PIK3C3: variants seen among roughly 807,000 people sequenced by gnomAD.
The protein encoded by PIK3C3 is PI3-kinase type 3.
A neutral mutation model predicts 126.1 loss-of-function variants in PIK3C3; 95 were observed. The observed-to-expected ratio is 0.75, with a 90% confidence interval of 0.64 to 0.89. The LOEUF (loss-of-function observed/expected upper bound fraction) is 0.89, where lower values mean the gene tolerates loss of function less well. Ranked by LOEUF, PIK3C3 falls within the 40% of genes least tolerant of loss-of-function variation. The pLI is 0.00. For missense variants in PIK3C3, 829 were observed against 1,063.2 expected, an observed-to-expected ratio of 0.78 and a Z score of 3.06; for synonymous variants, 374 against 360.0, an observed-to-expected ratio of 1.04 and a Z score of -0.44.
chr18:42,036,671 A>G (rs1252268556), intron 16 of PIK3C3, among the ~76,000 whole-genome samples: 1 of 151,922 alleles, frequency 6.6e-6, no homozygotes, highest in Non-Finnish European at 1.5e-5. Flanking sequence ...TACCTAAACT[A>G]ATTTAGACCT....
chr18:42,066,454 GT>G lies in PIK3C3; in HGVS notation c.2524-932del, dbSNP rs200329153. Among the ~76,000 whole-genome samples, 1,456 of 152,208 alleles carry G rather than the reference GT, an allele frequency of 9.6e-3. 16 individuals carry two copies. Among genetic ancestry groups the G allele is most frequent in the African/African-American group, 0.033 (1,385 of 41,520 alleles). On this transcript the variant is annotated intron_variant, in intron 23 of 24. Coordinates refer to ENST00000262039, the MANE Select transcript of PIK3C3 (RefSeq NM_002647.4). The stretch of plus-strand genomic sequence containing the variant: ...GCCTGTCTTTGAGAAGTATATGTGG[GT>G]TATTTACAAGAGAAAGGAGTAGTCT...
chr18:42,052,689 CAT>C (rs1294618676), intron 21 of PIK3C3: 1 of 152,048 alleles, frequency 6.6e-6, no homozygotes, highest in African/African-American at 2.4e-5. Context: ...AGTTACATTT[CAT>C]ATATGTTATA....
At chr18:42,017,985 TTATA>T (rs5824389) in intron 12 of PIK3C3, among the ~76,000 whole-genome samples, 1 of 151,068 alleles carries the variant, frequency 6.6e-6, no homozygotes, top group Non-Finnish European at 1.5e-5. Flanking sequence ...CTATACTTTC[TTATA>T]TATATATAAA....
At chr18:41,964,675 G>T (rs1040220776) in intron 3 of PIK3C3, among the ~76,000 whole-genome samples, 3 of 151,850 alleles carry the variant, frequency 2.0e-5, no homozygotes, top group Admixed American at 1.3e-4. Flanking sequence ...ATATTTCCAG[G>T]TTTGTTTTGG....
Position 42,086,887 on chromosome 18 carries a change from C to T in PIK3C3, c.*5750C>T, listed in dbSNP as rs1385427206. On this transcript the variant is annotated 3_prime_UTR_variant, in exon 25 of 25. Coordinates refer to ENST00000262039, the MANE Select transcript of PIK3C3 (RefSeq NM_002647.4). ...TCCTTTCTTTATTAACCTGCTTTCA[C>T]TTTATGGACTCCCCTGAATTCTTCT... is the stretch of plus-strand genomic sequence containing the variant. 1 of 152,188 alleles carries T rather than the reference C, an allele frequency of 6.6e-6. No homozygotes were observed. Among genetic ancestry groups the T allele is most frequent in the East Asian group, 1.9e-4 (1 of 5,176 alleles). The allele number at this position is 152,188 out of a possible 1,614,324, so 9.4% of individuals were successfully genotyped here.
At chr18:42,038,526 T>C (rs929048674) in intron 17 of PIK3C3, among the ~76,000 whole-genome samples, 5 of 152,026 alleles carry the variant, frequency 3.3e-5, no homozygotes, top group Non-Finnish European at 7.4e-5. Flanking sequence ...TATTTTTTAG[T>C]AGAGACAGGG....
intron 20 of PIK3C3, among the ~76,000 whole-genome samples, chr18:42,046,113 C>T (rs554163816): frequency 9.2e-5 from 14 of 152,126 alleles, no homozygotes; most frequent in African/African-American, 3.4e-4. Flanking sequence ...AATTATCTTA[C>T]CTATTGGACA....
chr18:42,044,300 A>G (rs1040560285), intron 20 of PIK3C3, among the ~76,000 whole-genome samples: 2 of 152,220 alleles, frequency 1.3e-5, no homozygotes, highest in African/African-American at 4.8e-5. Context: ...AATAAATAGT[A>G]AGTGACATAG....
chr18:41,995,465 C>T (rs1981981466), intron 7 of PIK3C3, among the ~76,000 whole-genome samples: 1 of 152,100 alleles, frequency 6.6e-6, no homozygotes, highest in Non-Finnish European at 1.5e-5. Context: ...TTGTCCTTGC[C>T]CTCAGTAACT....
chr18:42,065,612 A>G (rs1297101971), intron 23 of PIK3C3, among the ~76,000 whole-genome samples: 1 of 152,230 alleles, frequency 6.6e-6, no homozygotes, highest in Non-Finnish European at 1.5e-5. Flanking sequence ...TGGCAAAATA[A>G]ACTAAACTAG....
At chr18:42,025,065 G>T (rs1018859024) in intron 13 of PIK3C3, among the ~76,000 whole-genome samples, 3 of 151,928 alleles carry the variant, frequency 2.0e-5, no homozygotes, top group Admixed American at 6.5e-5. Flanking sequence ...GCCCACCTTG[G>T]CCTCCCAAAG....
At chr18:41,996,887 A>G (rs996622507) in intron 9 of PIK3C3, among the ~76,000 whole-genome samples, 157 bp downstream of exon 9, 2 of 152,134 alleles carry the variant, frequency 1.3e-5, no homozygotes, top group East Asian at 3.8e-4. Flanking sequence ...AAATTATGAA[A>G]TTCTGCATAC....
At chr18:41,989,914 A>C (rs558050193) in intron 5 of PIK3C3, among the ~76,000 whole-genome samples, 3 of 152,188 alleles carry the variant, frequency 2.0e-5, no homozygotes, top group African/African-American at 4.8e-5. Context: ...AGTGTGGATA[A>C]AAATTTACAA....
chr18:42,043,668 G>A (rs1034185044), intron 19 of PIK3C3, 65 bp from the exon 20 acceptor site: 1 of 1,056,196 alleles, frequency 9.5e-7, no homozygotes, highest in Non-Finnish European at 1.5e-6. Context: ...ACTATTTATA[G>A]TTTCAAAACA....
chr18:42,009,637 A>T (rs563142426), intron 10 of PIK3C3, among the ~76,000 whole-genome samples: 14 of 148,370 alleles, frequency 9.4e-5, no homozygotes, highest in Non-Finnish European at 1.5e-4. Context: ...AATGTACATT[A>T]TGTAATGCTT....
chr18:42,071,384 G>A (rs891521756), intron 24 of PIK3C3, among the ~76,000 whole-genome samples: 3 of 152,148 alleles, frequency 2.0e-5, no homozygotes, highest in Non-Finnish European at 2.9e-5. Context: ...GTATGTTTTA[G>A]TGTTATCCCT....
Position 42,058,325 on chromosome 18 carries a change from G to A in PIK3C3, c.2432+274G>A, listed in dbSNP as rs73453929. Among the ~76,000 whole-genome samples, 763 of 152,236 alleles carry A rather than the reference G, an allele frequency of 5.0e-3. 5 individuals are homozygous for A. The highest frequency in any genetic ancestry group is 0.017 in the African/African-American group (724 of 41,532). Reference sequence around the variant, plus strand: ...CACATAAGATGAAGCAAACATGGAGGCTTCCAACTCAATGGTGTTGATGTC... The same window carrying A: ...CACATAAGATGAAGCAAACATGGAGACTTCCAACTCAATGGTGTTGATGTC... On this transcript the variant is annotated intron_variant, in intron 22 of 24. Coordinates refer to ENST00000262039, the MANE Select transcript of PIK3C3 (RefSeq NM_002647.4).
At chr18:42,068,688 C>T (rs866192826) in intron 24 of PIK3C3, among the ~76,000 whole-genome samples, 5 of 152,128 alleles carry the variant, frequency 3.3e-5, no homozygotes, top group South Asian at 4.1e-4. Context: ...CGGTGGCTCA[C>T]GCCTGTAATC....
At chr18:41,974,072 A>G (rs953690993) in intron 4 of PIK3C3, among the ~76,000 whole-genome samples, 4 of 152,188 alleles carry the variant, frequency 2.6e-5, no homozygotes, top group African/African-American at 9.6e-5. Context: ...CAGTTTTCAA[A>G]CTGCAGTATG....
Sources: gnomAD v4.1 joint callset for allele counts (sites outside exome capture counted in the v4.1 genomes callset) on GRCh38, gnomAD v4.1.1 for gene constraint, MANE v1.5 for transcripts, NCBI Gene and HGNC (gene_info 2026-07-23, HGNC 2026-07-21) for gene names.